The following ALPK3 variants were observed in gnomAD, a reference collection of about 807,000 sequenced individuals.
ALPK3 encodes alpha-protein kinase 3.
Under a neutral mutation model 140.0 loss-of-function variants are expected in ALPK3, and 102 were observed. The ratio of observed to expected loss-of-function variants is 0.73; its 90% CI spans 0.62 to 0.86. ALPK3 has a LOEUF of 0.86. Among genes scored for constraint, ALPK3 ranks in the 40% least tolerant of loss-of-function variants. The pLI, the probability that ALPK3 is intolerant of heterozygous loss-of-function variation, is 0.00. For synonymous variants in ALPK3, 938 were observed against 898.5 expected (o/e 1.04, Z -0.79); for missense variants, 2,254 against 2,208.2 (o/e 1.02, Z -0.42).
rs965637211 is a variant in ALPK3 at position 84,873,054 on chromosome 15, G to A, written c.*4598G>A. 1 of 152,186 alleles carries A rather than the reference G, an allele frequency of 6.6e-6. No homozygotes were observed. The highest frequency in any genetic ancestry group is 2.4e-5 in the African/African-American group (1 of 41,446). 9.4% of individuals were successfully genotyped at this position (152,186 alleles called of 1,614,324 possible). Reference sequence around the variant, plus strand: ...TTCCATGCCCTATCCCTTACGATGAGCGCCCTATTTTGTTCCTTCTGTCTA... The same window carrying A: ...TTCCATGCCCTATCCCTTACGATGAACGCCCTATTTTGTTCCTTCTGTCTA... On this transcript the variant is annotated 3_prime_UTR_variant, in exon 14 of 14. Transcript: ENST00000258888.
At chr15:84,824,673 A>T (rs1963465511) in intron 2 of ALPK3, among the ~76,000 whole-genome samples, 1 of 152,182 alleles carries the variant, frequency 6.6e-6, no homozygotes, top group South Asian at 2.1e-4. Context: ...ACCTGGGCAA[A>T]CCAAACCTTA....
intron 12 of ALPK3, 134 bp from the exon 13 acceptor site, chr15:84,867,183 G>A: frequency 1.7e-6 from 1 of 572,736 alleles, no homozygotes. Flanking sequence ...GCCAGCCTGG[G>A]CTGGTTCTAA....
Position 84,868,177 on chromosome 15 carries a change from C to A in ALPK3, c.4839C>A (p.Cys1613Ter), listed in dbSNP as rs1164828585. Reference sequence around the variant, plus strand: ...ACCGGTTCGCCTCCTCCCACCAGTGCAATGCCTACTGTGAGCTGCTGGGGC... The same window carrying A: ...ACCGGTTCGCCTCCTCCCACCAGTGAAATGCCTACTGTGAGCTGCTGGGGC... ...LLDRFASSHQ[C>*]NAYCELLGLT... The change falls in exon 14 of 14, where the codon TGC becomes TGA. Residue 1613 changes from cysteine to a stop codon, truncating the protein, a stop_gained. Coordinates refer to ENST00000258888, the MANE Select transcript of ALPK3 (RefSeq NM_020778.5). LOFTEE classifies it high-confidence loss of function. 1.2e-6 allele frequency: 2 copies of A among 1,614,144 alleles called. No individual in the cohort carries two copies.
Position 84,856,612 on chromosome 15 carries a change from A to G in ALPK3, c.1874A>G (p.Asp625Gly). Residue 625 changes from aspartate to glycine, a missense_variant, in exon 6 of 14, where the codon GAT becomes GGT. Around this residue, in one of 3 missense-constraint regions of ALPK3, gnomAD observed 2,088 missense variants for 2,022.9 expected, o/e 1.03. Transcript: ENST00000258888. ...KIQVDGRTRG[D>G]GTQTAQRTRA... ...CAAGTGGATGGAAGGACCAGGGGAG[A>G]TGGAACACAGACAGCCCAGAGGACA... The G allele has an allele frequency of 6.2e-7, 1 of 1,614,120 alleles. No individual in the cohort carries two copies.
chr15:84,839,825 C>T lies in ALPK3; in HGVS notation c.546C>T (p.Phe182=). The T allele has an allele frequency of 6.2e-7, 1 of 1,614,132 alleles. No homozygotes were observed. The highest frequency in any genetic ancestry group is 8.5e-7 in the Non-Finnish European group (1 of 1,180,042). The stretch of plus-strand genomic sequence containing the variant: ...AGTACAAGATCCACCAGCGCTGGTT[C>T]GCCAAGTTGAAGCGCAAGGCTGCGG... ...MTEYKIHQRW[F]AKLKRKAAAK... The change falls in exon 5 of 14, where the codon TTC becomes TTT. Residue 182 remains phenylalanine (F), a synonymous_variant. Coordinates refer to ENST00000258888, the MANE Select transcript of ALPK3 (RefSeq NM_020778.5).
chr15:84,865,121 T>C (rs1258939132), intron 12 of ALPK3, among the ~76,000 whole-genome samples: 1 of 152,218 alleles, frequency 6.6e-6, no homozygotes, highest in Non-Finnish European at 1.5e-5. Flanking sequence ...CTTTTCGTTA[T>C]GTAAAGCAAC....
chr15:84,858,196 C>T lies in ALPK3; in HGVS notation c.3458C>T (p.Ala1153Val). ...GGGGAGGCTCTGACAGGTCTCCCGG[C>T]AGCTACACCTGAGGAACTGGCTCTA... ...FPGEALTGLPAATPEELALGA... is the reference protein window; with the variant it reads ...FPGEALTGLPVATPEELALGA... Residue 1153 changes from alanine (A) to valine (V), a missense_variant, in exon 6 of 14, where the codon GCA becomes GTA. Physicochemically the swap from Ala to Val is moderately conservative, Grantham distance 64 (BLOSUM62 0). Transcript: ENST00000258888. 1.2e-6 allele frequency: 2 copies of T among 1,612,508 alleles called. No individual in the cohort carries two copies. Among genetic ancestry groups the T allele is most frequent in the Non-Finnish European group, 1.7e-6 (2 of 1,179,358 alleles).
intron 8 of ALPK3, 47 bp downstream of exon 8, chr15:84,859,950 G>T (rs1197449093): frequency 6.2e-7 from 1 of 1,613,754 alleles, no homozygotes; most frequent in African/African-American, 1.3e-5. Context: ...CTGGCTCCTG[G>T]TGGGTGGGCA....
Position 84,856,634 on chromosome 15 carries a change from G to A in ALPK3, c.1896G>A (p.Arg632=), listed in dbSNP as rs372948870. 1 of 1,614,096 alleles carries A rather than the reference G, an allele frequency of 6.2e-7. No homozygotes were observed. The highest frequency in any genetic ancestry group is 1.3e-5 in the African/African-American group (1 of 75,030). The change falls in exon 6 of 14, where the codon AGG becomes AGA. Residue 632 remains arginine (R), a synonymous_variant. Transcript: ENST00000258888. Reference sequence around the variant, plus strand: ...GAGATGGAACACAGACAGCCCAGAGGACACGTGCAGATAGGAAGACGCAGG... The same window carrying A: ...GAGATGGAACACAGACAGCCCAGAGAACACGTGCAGATAGGAAGACGCAGG... ...TRGDGTQTAQ[R]TRADRKTQVD... is the part of the protein sequence containing the mutation.
rs911251907 is a variant in ALPK3 at position 84,839,238 on chromosome 15, T to C, written c.422+141T>C. On this transcript the variant is annotated intron_variant, in intron 4 of 13. Transcript: ENST00000258888. ...GGAGGGCAGGATTCTGCTGTGTGGTTGAACCACCTGGTGAACCACATCTGC... is the reference window on the plus strand; with the variant it reads ...GGAGGGCAGGATTCTGCTGTGTGGTCGAACCACCTGGTGAACCACATCTGC... The C allele has an allele frequency of 9.6e-6, 7 of 728,930 alleles. No individual in the cohort carries two copies. The African/African-American group carries it at 1.2e-4, about 13-fold the overall frequency. The allele number at this position is 728,930 out of a possible 1,614,324, so 45.2% of individuals were successfully genotyped here.
chr15:84,858,118 GGCCCTCAGCAGAGAGCATAGCCCAGGA>G lies in ALPK3; in HGVS notation c.3387_3413del (p.Ala1130_Ser1138del). The G allele has an allele frequency of 6.3e-7, 1 of 1,580,134 alleles. No individual in the cohort carries two copies. Among genetic ancestry groups the G allele is most frequent in the Admixed American group, 1.9e-5 (1 of 54,038 alleles). On this transcript the variant is annotated inframe_deletion, in exon 6 of 14. Coordinates refer to ENST00000258888, the MANE Select transcript of ALPK3 (RefSeq NM_020778.5). ...GGTGGGCAGGCAGCCCCTGGACAGGGGCCCTCAGCAGAGAGCATAGCCCAGGAGCCCTCCCAAGAGGAGAAGTTCCCA... is the reference window on the plus strand; with the variant it reads ...GGTGGGCAGGCAGCCCCTGGACAGGGGCCCTCCCAAGAGGAGAAGTTCCCA...
intron 5 of ALPK3, among the ~76,000 whole-genome samples, chr15:84,851,278 A>G (rs987624302): frequency 6.6e-6 from 1 of 152,122 alleles, no homozygotes; most frequent in Non-Finnish European, 1.5e-5. Flanking sequence ...AAAAGTACAT[A>G]AAAGAGTTAC....
In ALPK3 at chr15:84,868,569, C is replaced by A; in HGVS notation, c.*113C>A. ...AACTGGAGAAGGTGCACGAAGGAGA[C>A]ACCACTTGGGGACCTCTCTGAGCAG... On this transcript the variant is annotated 3_prime_UTR_variant, in exon 14 of 14. Transcript: ENST00000258888. 9.3e-7 allele frequency: 1 copy of A among 1,077,142 alleles called. No individual in the cohort carries two copies. Among genetic ancestry groups the A allele is most frequent in the Non-Finnish European group, 1.3e-6 (1 of 770,820 alleles). The allele number at this position is 1,077,142 out of a possible 1,614,324, so 66.7% of individuals were successfully genotyped here. A position where few individuals can be genotyped will look rare whatever the true frequency, so the allele number is the denominator to read the frequency against.
chr15:84,828,920 G>T (rs532227167), intron 3 of ALPK3, among the ~76,000 whole-genome samples: 34 of 152,264 alleles, frequency 2.2e-4, no homozygotes, highest in African/African-American at 7.7e-4. Flanking sequence ...GGCACTTACA[G>T]TTTCCTAGAA....
At chr15:84,860,223 G>A in intron 9 of ALPK3, 151 bp downstream of exon 9, 1 of 1,010,730 alleles carries the variant, frequency 9.9e-7, no homozygotes, top group South Asian at 1.4e-5. Flanking sequence ...GATGGAGGAG[G>A]ACTGCTGTAT....
chr15:84,827,632 G>A, intron 3 of ALPK3, 27 bp downstream of exon 3: 1 of 1,613,122 alleles, frequency 6.2e-7, no homozygotes, highest in Non-Finnish European at 8.5e-7. Flanking sequence ...TATGCTCCAT[G>A]CCAGGGCCTC....
Position 84,858,381 on chromosome 15 carries a change from C to A in ALPK3, c.3643C>A (p.Pro1215Thr). Residue 1215 changes from proline (P) to threonine (T), a missense_variant, in exon 6 of 14, where the codon CCT becomes ACT. Pro to Thr is a conservative substitution (Grantham distance 38, BLOSUM62 -1). Transcript: ENST00000258888. ...GACTCCAGGGCGGGAGAGACGCTCC[C>A]CTACGCAGGGCAGAAAGGCGAGCAT... ...PGTPGRERRS[P>T]TQGRKASMLE... The A allele has an allele frequency of 6.4e-7, 1 of 1,554,182 alleles. No homozygotes were observed.
chr15:84,849,046 G>A (rs1225633880), intron 5 of ALPK3, among the ~76,000 whole-genome samples: 1 of 152,094 alleles, frequency 6.6e-6, no homozygotes, highest in East Asian at 1.9e-4. Context: ...GGAGGCTGAA[G>A]CAGGAGAATC....
rs909015912 is a variant in ALPK3 at position 84,824,790 on chromosome 15, G to A, written c.182+1422G>A. ...GATATCCTTGTGAAGTCATGGAGTT[G>A]GAAGGACTTGTCAGGGTTGGACAAG... On this transcript the variant is annotated intron_variant, in intron 2 of 13. Transcript: ENST00000258888. Among the ~76,000 whole-genome samples, 3 of 152,320 alleles carry A rather than the reference G, an allele frequency of 2.0e-5. No individual in the cohort carries two copies. In the East Asian group the frequency reaches 5.8e-4, roughly 29 times the overall value.
Sources: allele counts gnomAD v4.1 joint callset (sites outside exome capture counted in the v4.1 genomes callset), GRCh38; gene constraint gnomAD v4.1.1; regional missense constraint gnomAD v4.1.1; transcripts MANE v1.5; gene names NCBI Gene and HGNC (gene_info 2026-07-23, HGNC 2026-07-21).